Variants in PRKCH observed in about 807,000 individuals in gnomAD.
PRKCH encodes the protein protein kinase C eta type.
PRKCH carries 28 observed loss-of-function variants against 82.5 expected under a neutral mutation model. The observed-to-expected ratio is 0.34, with a 90% confidence interval of 0.25 to 0.47. PRKCH has a LOEUF of 0.47. Among genes scored for constraint, PRKCH ranks in the 20% least tolerant of loss-of-function variants. The pLI is 1.00. For missense variants in PRKCH, 705 were observed against 881.8 expected (o/e 0.80, Z 2.54); for synonymous variants, 322 against 327.4 (o/e 0.98, Z 0.18).
intron 1 of PRKCH, among the ~76,000 whole-genome samples, chr14:61,203,929 G>T (rs926214505): frequency 6.6e-6 from 1 of 152,142 alleles, no homozygotes; most frequent in African/African-American, 2.4e-5. Context: ...TTCAGCATTA[G>T]CTGGGAACTT....
intron 2 of PRKCH, among the ~76,000 whole-genome samples, chr14:61,418,018 A>G (rs867681511): frequency 2.6e-5 from 4 of 152,202 alleles, no homozygotes; most frequent in Non-Finnish European, 2.9e-5. Context: ...CCAGCTGTTT[A>G]TTGAATTTCT....
chr14:61,252,613 A>G (rs1455623706), intron 1 of PRKCH, among the ~76,000 whole-genome samples: 2 of 152,118 alleles, frequency 1.3e-5, no homozygotes, highest in Admixed American at 1.3e-4. Context: ...CCCTTTCCCT[A>G]TTTGCACAGC....
intron 9 of PRKCH, among the ~76,000 whole-genome samples, chr14:61,482,231 G>A (rs1886463): frequency 0.89 from 135,111 of 152,050 alleles, 61,126 homozygotes; most frequent in Non-Finnish European, 0.96. Context: ...TTCTGACCTC[G>A]AGTGATCTGC....
chr14:61,328,256 C>CAAAAAAAAAA (rs71117811), intron 1 of PRKCH, among the ~76,000 whole-genome samples: 3 of 74,378 alleles, frequency 4.0e-5, no homozygotes, highest in African/African-American at 6.1e-5. Context: ...GACTCCGTCT[C>CAAAAAAAAAA]AAAAAAAAAA....
Position 61,457,633 on chromosome 14 carries a change from G to A in PRKCH, c.1232G>A (p.Arg411His), listed in dbSNP as rs372426911. 4.1e-5 allele frequency: 66 copies of A among 1,613,964 alleles called. No individual in the cohort carries two copies. The highest frequency in any genetic ancestry group is 5.1e-5 in the Non-Finnish European group (60 of 1,180,016). The change falls in exon 9 of 14, where the codon CGC becomes CAC. Residue 411 changes from arginine (R) to histidine (H), a missense_variant. Arg to His is a conservative substitution (Grantham distance 29). Coordinates refer to ENST00000332981, the MANE Select transcript of PRKCH (RefSeq NM_006255.5). ...GAGAAAAGGATCCTGTCTCTGGCCC[G>A]CAATCACCCCTTCCTCACTCAGTTG... Reference protein sequence around the residue: ...MTEKRILSLARNHPFLTQLFC... With the variant: ...MTEKRILSLAHNHPFLTQLFC...
intron 1 of PRKCH, among the ~76,000 whole-genome samples, chr14:61,301,125 C>G (rs1370581542): frequency 6.6e-6 from 1 of 152,162 alleles, no homozygotes; most frequent in Non-Finnish European, 1.5e-5. Flanking sequence ...AACTTCTGCT[C>G]TTAAATCCAC....
At chr14:61,496,188 G>A (rs796685587) in intron 10 of PRKCH, among the ~76,000 whole-genome samples, 17 of 152,330 alleles carry the variant, frequency 1.1e-4, no homozygotes, top group African/African-American at 4.1e-4. Context: ...AACCACATGT[G>A]TTGAGCATTT....
chr14:61,261,543 C>T (rs992008540), intron 1 of PRKCH, among the ~76,000 whole-genome samples: 5 of 152,166 alleles, frequency 3.3e-5, no homozygotes, highest in Admixed American at 6.5e-5. Context: ...TTACCCAAGT[C>T]GTATTCTTAA....
chr14:61,334,554 C>T (rs565431654), intron 1 of PRKCH, among the ~76,000 whole-genome samples: 1 of 152,130 alleles, frequency 6.6e-6, no homozygotes, highest in East Asian at 1.9e-4. Flanking sequence ...AAAGAGCATT[C>T]CAAGCAGAGG....
chr14:61,420,736 C>A (rs1011104630), intron 2 of PRKCH, among the ~76,000 whole-genome samples: 2 of 152,176 alleles, frequency 1.3e-5, no homozygotes, highest in Admixed American at 1.3e-4. Context: ...GATCTATCTG[C>A]AGATCTCCAG....
chr14:61,395,817 C>T (rs2046770760), intron 2 of PRKCH, among the ~76,000 whole-genome samples: 1 of 152,136 alleles, frequency 6.6e-6, no homozygotes, highest in Non-Finnish European at 1.5e-5. Flanking sequence ...TGGTGTCTCA[C>T]ACCTGTAATC....
chr14:61,233,785 AGTTT>A (rs1276199980), intron 1 of PRKCH, among the ~76,000 whole-genome samples: 19 of 152,146 alleles, frequency 1.2e-4, no homozygotes, highest in African/African-American at 4.3e-4. Flanking sequence ...CATGATTGTA[AGTTT>A]CCTGAGGCCT....
At chr14:61,362,818 G>T (rs2046247409) in intron 1 of PRKCH, among the ~76,000 whole-genome samples, 1 of 152,242 alleles carries the variant, frequency 6.6e-6, no homozygotes, top group Non-Finnish European at 1.5e-5. Flanking sequence ...GTCAGGGATG[G>T]CATCTGTCTT....
At chr14:61,438,787 C>T (rs1384424347) in intron 2 of PRKCH, among the ~76,000 whole-genome samples, 1 of 152,132 alleles carries the variant, frequency 6.6e-6, no homozygotes, top group African/African-American at 2.4e-5. Context: ...TTCTAAAGTT[C>T]TCAAAACAAG....
At chr14:61,386,935 C>A (rs1483029532) in intron 1 of PRKCH, among the ~76,000 whole-genome samples, 1 of 151,544 alleles carries the variant, frequency 6.6e-6, no homozygotes, top group Non-Finnish European at 1.5e-5. Context: ...GCTCAAATAA[C>A]AAAAAAAAAT....
At chr14:61,196,567 T>C (rs1012615058) in intron 1 of PRKCH, among the ~76,000 whole-genome samples, 13 of 152,202 alleles carry the variant, frequency 8.5e-5, no homozygotes, top group African/African-American at 3.1e-4. Context: ...CTAAAAGTAA[T>C]TTTAGTTGAC....
intron 1 of PRKCH, among the ~76,000 whole-genome samples, chr14:61,323,153 T>C (rs1191905950): frequency 6.6e-6 from 1 of 152,154 alleles, no homozygotes; most frequent in Non-Finnish European, 1.5e-5. Flanking sequence ...CTGTAAGGAC[T>C]CCTCAGGAGG....
At chr14:61,255,974 G>C (rs2044994426) in intron 1 of PRKCH, among the ~76,000 whole-genome samples, 1 of 152,136 alleles carries the variant, frequency 6.6e-6, no homozygotes, top group South Asian at 2.1e-4. Context: ...TTGAAATGAT[G>C]TCAGTCTACA....
intron 13 of PRKCH, among the ~76,000 whole-genome samples, chr14:61,548,555 C>A (rs939545516): frequency 6.6e-6 from 1 of 152,138 alleles, no homozygotes; most frequent in Non-Finnish European, 1.5e-5. Context: ...GCAAGGCTAG[C>A]GATAGATCAA....
Sources: gnomAD v4.1 joint callset for allele counts (sites outside exome capture counted in the v4.1 genomes callset) on GRCh38, gnomAD v4.1.1 for gene constraint, MANE v1.5 for transcripts, NCBI Gene and HGNC (gene_info 2026-07-23, HGNC 2026-07-21) for gene names.